Variants in PLA2G4C observed in about 807,000 individuals in gnomAD.
The protein encoded by PLA2G4C is cytosolic phospholipase A2 gamma.
A neutral mutation model predicts 73.8 loss-of-function variants in PLA2G4C; 64 were observed. The observed-to-expected ratio is 0.87, with a 90% CI of 0.71 to 1.07. The LOEUF (loss-of-function observed/expected upper bound fraction) is 1.07. PLA2G4C is among the 50% of genes least tolerant of loss of function. PLA2G4C has a pLI of 0.00. For missense variants in PLA2G4C, 622 were observed against 665.4 expected (o/e 0.93, Z 0.72); for synonymous variants, 254 against 252.1 (o/e 1.01, Z -0.07).
At chr19:48,085,008 CT>C (rs762966127) in intron 10 of PLA2G4C, 50 bp downstream of exon 10, 12 of 1,320,668 alleles carry the variant, frequency 9.1e-6, no homozygotes, top group Non-Finnish European at 1.2e-5. Context: ...TGTGAATCTC[CT>C]TGCATAAAAT....
chr19:48,087,936 C>CAAAAAAAAAAAA (rs75679224), intron 9 of PLA2G4C, among the ~76,000 whole-genome samples: 1 of 123,796 alleles, frequency 8.1e-6, no homozygotes. Context: ...AACTCTGTCT[C>CAAAAAAAAAAAA]AAAAAAAAAA....
At chr19:48,056,563 T>C (rs965593875) in intron 14 of PLA2G4C, among the ~76,000 whole-genome samples, 2 of 150,392 alleles carry the variant, frequency 1.3e-5, no homozygotes, top group East Asian at 4.0e-4. Context: ...TGGTGGCTCA[T>C]GGCTCATGCC....
At chr19:48,083,930 C>T (rs1012793876) in intron 10 of PLA2G4C, among the ~76,000 whole-genome samples, 6 of 151,986 alleles carry the variant, frequency 3.9e-5, no homozygotes, top group South Asian at 2.1e-4. Context: ...AGGTGAGTCA[C>T]GCATCCTTTC....
intron 4 of PLA2G4C, among the ~76,000 whole-genome samples, chr19:48,101,186 A>G (rs917822210): frequency 2.1e-5 from 3 of 142,488 alleles, no homozygotes; most frequent in African/African-American, 8.0e-5. Context: ...GTGCAGTGGC[A>G]TGATCTTGGC....
chr19:48,070,884 T>A (rs1252556427), intron 12 of PLA2G4C, among the ~76,000 whole-genome samples: 2 of 151,346 alleles, frequency 1.3e-5, no homozygotes, highest in East Asian at 3.9e-4. Flanking sequence ...TGCACATGTA[T>A]CCTCAAACTT....
rs757903640 is a variant in PLA2G4C, at chr19:48,098,239, G to A, written c.468C>T (p.Ser156=). 7 of 1,612,690 alleles carry A rather than the reference G, an allele frequency of 4.3e-6. No homozygotes were observed. The highest frequency in any genetic ancestry group is 4.2e-6 in the Non-Finnish European group (5 of 1,179,346). The change falls in exon 6 of 17, where the codon TCC becomes TCT. Residue 156 remains serine (S), a synonymous_variant. Transcript: ENST00000599921. ...CTTCTTCCACGGGCTTCTTCATATT[G>A]GACAAATGAGACTCCGGCAGCTTTG... ...QTRELPESHL[S]NMKKPVEEGT...
intron 16 of PLA2G4C, among the ~76,000 whole-genome samples, chr19:48,049,424 G>A (rs1967638095): frequency 1.3e-5 from 2 of 151,974 alleles, no homozygotes; most frequent in Non-Finnish European, 1.5e-5. Context: ...CACACCGCAC[G>A]TTCGGTCGTC....
At chr19:48,063,658 G>A (rs949691092) in intron 13 of PLA2G4C, among the ~76,000 whole-genome samples, 8 of 147,630 alleles carry the variant, frequency 5.4e-5, no homozygotes, top group African/African-American at 2.0e-4. Flanking sequence ...CTTGGCCAGG[G>A]CACCCCAGAG....
rs200358931 is a variant in PLA2G4C at position 48,083,426 on chromosome 19, TTTTTTC to T, written c.844+1627_844+1632del. Among the ~76,000 whole-genome samples the T allele has an allele frequency of 8.0e-3, 1,169 of 146,488 alleles. 20 individuals are homozygous for T. Among genetic ancestry groups the T allele is most frequent in the African/African-American group, 0.028 (1,086 of 38,642 alleles). ...TTTTTTTTTGTTTGTTTCATTTCTT[TTTTTTC>T]TTTTTCTTTTTCTTTTTTCTTTTTT... On this transcript the variant is annotated intron_variant, in intron 10 of 16. Coordinates refer to ENST00000599921, the MANE Select transcript of PLA2G4C (RefSeq NM_003706.3).
rs188582766 is a variant in PLA2G4C at position 48,091,311 on chromosome 19, G to A, written c.710-894C>T. Among the ~76,000 whole-genome samples, 17 of 152,098 alleles carry A rather than the reference G, an allele frequency of 1.1e-4. No homozygotes were observed. The South Asian group carries it at 2.5e-3, about 22-fold the overall frequency. On this transcript the variant is annotated intron_variant, in intron 7 of 16. Transcript: ENST00000599921. Reference sequence around the variant, plus strand: ...AGTGATTCTCCTGCTTCAGCCTCCCGACTAGCTGGGATTACAGGCATGCAC... The same window carrying A: ...AGTGATTCTCCTGCTTCAGCCTCCCAACTAGCTGGGATTACAGGCATGCAC...
Position 48,104,678 on chromosome 19 carries a change from T to A in PLA2G4C, c.167A>T (p.His56Leu). The A allele has an allele frequency of 6.2e-7, 1 of 1,613,980 alleles. No homozygotes were observed. The highest frequency in any genetic ancestry group is 8.5e-7 in the Non-Finnish European group (1 of 1,179,926). Residue 56 changes from histidine to leucine, a missense_variant, in exon 4 of 17, where the codon CAC (histidine) becomes CTC (leucine). By Grantham distance (99) the His-to-Leu change is moderately conservative. Transcript: ENST00000599921. ...VLGSGGGLRA[H>L]IACLGVLSEM... ...ACTCAGGACCCCAAGGCAGGCAATG[T>A]GAGCCCGCAGTCCTCCGCCTGAGCC...
At chr19:48,083,573 G>A (rs149292567) in intron 10 of PLA2G4C, among the ~76,000 whole-genome samples, 4,154 of 150,088 alleles carry the variant, frequency 0.028, 152 homozygotes, top group African/African-American at 0.085. Context: ...TCAGCTTCCC[G>A]TGTAGCTGGG....
chr19:48,083,455 T>TTTC (rs2122594135), intron 10 of PLA2G4C, among the ~76,000 whole-genome samples: 1 of 148,414 alleles, frequency 6.7e-6, no homozygotes, highest in East Asian at 1.9e-4. Flanking sequence ...TTTTTTCTTT[T>TTTC]TTTTTTTTTG....
chr19:48,075,430 A>AC lies in PLA2G4C; in HGVS notation c.899-557dup, dbSNP rs536333469. Among the ~76,000 whole-genome samples, 611 of 150,604 alleles carry AC rather than the reference A, an allele frequency of 4.1e-3. 1 individual carries two copies. Among genetic ancestry groups the AC allele is most frequent in the African/African-American group, 0.014 (568 of 40,938 alleles). The stretch of plus-strand genomic sequence containing the variant: ...TCGAACTCCTGACCTCAAGTGATCC[A>AC]CCCCCCTCAGCCTCCCAAAGTGCTG... On this transcript the variant is annotated intron_variant, in intron 11 of 16. Coordinates refer to ENST00000599921, the MANE Select transcript of PLA2G4C (RefSeq NM_003706.3).
intron 13 of PLA2G4C, among the ~76,000 whole-genome samples, chr19:48,065,215 G>A (rs952550191): frequency 4.7e-5 from 7 of 148,976 alleles, no homozygotes; most frequent in Admixed American, 6.7e-5. Context: ...ACCTTGGTTC[G>A]GTCCAGAAAG....
At chr19:48,092,764 C>G (rs1037848414) in intron 7 of PLA2G4C, among the ~76,000 whole-genome samples, 3 of 149,670 alleles carry the variant, frequency 2.0e-5, no homozygotes, top group African/African-American at 7.6e-5. Flanking sequence ...GAGGGGGTGA[C>G]AGGGACTTAG....
rs71181645 is a variant in PLA2G4C at position 48,084,040 on chromosome 19, T to TTGTGTGTGTGTGTGTGTG, written c.844+1001_844+1018dup. The stretch of plus-strand genomic sequence containing the variant: ...GATGAACAGGTAACGAATGCCAATT[T>TTGTGTGTGTGTGTGTGTG]TGTGTGTGTGTGTGTGTGTGTGTGT... On this transcript the variant is annotated intron_variant, in intron 10 of 16. Coordinates refer to ENST00000599921, the MANE Select transcript of PLA2G4C (RefSeq NM_003706.3). Among the ~76,000 whole-genome samples, 234 of 139,222 alleles carry TTGTGTGTGTGTGTGTGTG rather than the reference T, an allele frequency of 1.7e-3. 2 individuals are homozygous for TTGTGTGTGTGTGTGTGTG. Among genetic ancestry groups the TTGTGTGTGTGTGTGTGTG allele is most frequent in the Non-Finnish European group, 2.8e-3 (184 of 64,780 alleles). 91.3% of individuals were successfully genotyped at this position (139,222 alleles called of 152,430 possible). A position where few individuals can be genotyped will look rare whatever the true frequency, so the allele number is the denominator to read the frequency against.
intron 16 of PLA2G4C, among the ~76,000 whole-genome samples, chr19:48,049,371 A>G (rs1967635533): frequency 6.6e-6 from 1 of 151,742 alleles, no homozygotes; most frequent in Non-Finnish European, 1.5e-5. Flanking sequence ...GCCTTCCCAG[A>G]CCCCCAGACC....
rs1461826949 is a variant in PLA2G4C at position 48,064,442 on chromosome 19, A to AC, written c.1103-2291_1103-2290insG. On this transcript the variant is annotated intron_variant, in intron 13 of 16. Transcript: ENST00000599921. ...CAAAACTCTGTCTCAAAAAAAAAAA[A>AC]AACCAAAAACCATAATTACTATATT... Among the ~76,000 whole-genome samples the AC allele has an allele frequency of 4.6e-5, 7 of 151,890 alleles. No homozygotes were observed. In the East Asian group the frequency reaches 9.7e-4, roughly 21 times the overall value.
Sources: gnomAD v4.1 joint callset for allele counts (sites outside exome capture counted in the v4.1 genomes callset) on GRCh38, gnomAD v4.1.1 for gene constraint, MANE v1.5 for transcripts, NCBI Gene and HGNC (gene_info 2026-07-23, HGNC 2026-07-21) for gene names.